Variants in BNIP3L observed in about 807,000 individuals in gnomAD.
The protein encoded by BNIP3L is BCL2/adenovirus E1B 19 kDa protein-interacting protein 3-like.
In BNIP3L, 10 loss-of-function variants were observed where a neutral mutation model predicts 25.5. The observed-to-expected ratio is 0.39, with a 90% CI of 0.24 to 0.67. BNIP3L has a LOEUF of 0.67. Among genes scored for constraint, BNIP3L ranks in the 30% least tolerant of loss-of-function variants. BNIP3L has a pLI of 0.45. For missense variants in BNIP3L, 215 were observed against 270.9 expected, an observed-to-expected ratio of 0.79 and a Z score of 1.45; for synonymous variants, 113 against 101.2, an observed-to-expected ratio of 1.12 and a Z score of -0.70.
chr8:26,407,066 C>T (rs1281767095), intron 3 of BNIP3L, among the ~76,000 whole-genome samples: 1 of 151,450 alleles, frequency 6.6e-6, no homozygotes, highest in African/African-American at 2.4e-5. Context: ...GATCTCGGCT[C>T]CACCTCCCAG....
intron 1 of BNIP3L, 189 bp downstream of exon 1, chr8:26,383,419 G>T: frequency 7.0e-7 from 1 of 1,425,896 alleles, no homozygotes; most frequent in East Asian, 2.6e-5. Flanking sequence ...GGGCCTCTCT[G>T]TTGCCTCCTG....
rs769715393 is a variant in BNIP3L, at chr8:26,391,418, C to T, written c.276C>T (p.His92=). Residue 92 remains histidine, a synonymous_variant, in exon 2 of 6, where the codon CAC becomes CAT. Transcript: ENST00000380629. ...SGQSSSRGSS[H]CDSPSPQEDG... The stretch of plus-strand genomic sequence containing the variant: ...AGAGTAGTTCCAGAGGCAGTTCTCA[C>T]TGTGACAGGTAAGTGAGACCCATGT... The T allele has an allele frequency of 6.4e-7, 1 of 1,552,848 alleles. No individual in the cohort carries two copies. The highest frequency in any genetic ancestry group is 1.2e-5 in the South Asian group (1 of 82,234).
chr8:26,393,515 G>A (rs1014603665), intron 2 of BNIP3L, among the ~76,000 whole-genome samples: 27 of 151,432 alleles, frequency 1.8e-4, no homozygotes, highest in African/African-American at 6.3e-4. Flanking sequence ...CTCCCCAGCC[G>A]ATTCTAATAT....
chr8:26,389,474 C>T (rs1034065128), intron 1 of BNIP3L, among the ~76,000 whole-genome samples: 1 of 151,992 alleles, frequency 6.6e-6, no homozygotes, highest in African/African-American at 2.4e-5. Context: ...AGCCTGTGTC[C>T]ATTTTATGTG....
At chr8:26,387,711 A>T (rs1806021967) in intron 1 of BNIP3L, among the ~76,000 whole-genome samples, 1 of 152,230 alleles carries the variant, frequency 6.6e-6, no homozygotes. Flanking sequence ...ACCACTATGT[A>T]TTTCCATAGA....
chr8:26,401,428 A>AG (rs1806369774), intron 3 of BNIP3L, among the ~76,000 whole-genome samples: 1 of 150,932 alleles, frequency 6.6e-6, no homozygotes, highest in African/African-American at 2.4e-5. Context: ...GGGAGCGGGG[A>AG]GGGGGGAAGG....
chr8:26,408,063 G>T lies in BNIP3L; in HGVS notation c.421G>T (p.Val141Leu). The change falls in exon 4 of 6, where the codon GTA becomes TTA. Residue 141 changes from valine to leucine, a missense_variant. Physicochemically the swap from Val to Leu is conservative, Grantham distance 32 (BLOSUM62 1). This residue lies in a region of BNIP3L where 63 missense variants were observed against 98.8 expected (regional missense o/e 0.64). Transcript: ENST00000380629. ...GGCTTTGAAGAAAAGTGCGGACTGG[G>T]TATCAGACTGGTCCAGTAGACCCGA... The part of the protein sequence containing the change: ...VEALKKSADW[V>L]SDWSSRPENI... 6.2e-7 allele frequency: 1 copy of T among 1,614,202 alleles called. No homozygotes were observed. Among genetic ancestry groups the T allele is most frequent in the South Asian group, 1.1e-5 (1 of 91,084 alleles).
At chr8:26,395,120 C>T (rs1400753937) in intron 2 of BNIP3L, 110 bp from the exon 3 acceptor site, 1 of 1,100,046 alleles carries the variant, frequency 9.1e-7, no homozygotes, top group African/African-American at 1.6e-5. Context: ...CTCTGATTTG[C>T]TTTTTCAAAG....
At chr8:26,385,559 C>T (rs1309874699) in intron 1 of BNIP3L, among the ~76,000 whole-genome samples, 3 of 149,832 alleles carry the variant, frequency 2.0e-5, no homozygotes, top group Admixed American at 6.6e-5. Flanking sequence ...GCCGAGATCA[C>T]GCCACTGCAC....
chr8:26,412,583 T>A lies in BNIP3L; in HGVS notation c.*2171T>A, dbSNP rs1806653578. On this transcript the variant is annotated 3_prime_UTR_variant, in exon 6 of 6. Coordinates refer to ENST00000380629, the MANE Select transcript of BNIP3L (RefSeq NM_004331.3). ...GAAAATTACTTAAAACGTGAATACA[T>A]CATCACAGTAGAATTTATTATGAGA... The A allele has an allele frequency of 6.6e-6, 1 of 152,496 alleles. No individual in the cohort carries two copies. The highest frequency in any genetic ancestry group is 2.4e-5 in the African/African-American group (1 of 41,458). 9.4% of individuals were successfully genotyped at this position (152,496 alleles called of 1,614,324 possible).
chr8:26,391,281 A>G lies in BNIP3L; in HGVS notation c.139A>G (p.Asn47Asp). 1.2e-6 allele frequency: 2 copies of G among 1,612,024 alleles called. No homozygotes were observed. Among genetic ancestry groups the G allele is most frequent in the Non-Finnish European group, 1.7e-6 (2 of 1,179,152 alleles). The change falls in exon 2 of 6, where the codon AAT becomes GAT. Residue 47 changes from asparagine to aspartate, a missense_variant. Physicochemically the swap from Asn to Asp is conservative, Grantham distance 23. This residue lies in a region of BNIP3L where 36 missense variants were observed against 75.2 expected (regional missense o/e 0.48). Coordinates refer to ENST00000380629, the MANE Select transcript of BNIP3L (RefSeq NM_004331.3). ...GCTACCCATGAACAGCAGCAATGGC[A>G]ATGATAATGGCAATGGGAAAAATGG... ...VELPMNSSNG[N>D]DNGNGKNGGL... is the part of the protein sequence containing the mutation.
intron 3 of BNIP3L, among the ~76,000 whole-genome samples, chr8:26,403,330 G>A (rs952761295): frequency 1.3e-5 from 2 of 151,872 alleles, no homozygotes; most frequent in African/African-American, 4.8e-5. Context: ...TTAGGATTTG[G>A]GAAAATTGAT....
intron 1 of BNIP3L, among the ~76,000 whole-genome samples, chr8:26,384,838 C>T (rs1805954427): frequency 6.7e-6 from 1 of 150,370 alleles, no homozygotes; most frequent in Non-Finnish European, 1.5e-5. Flanking sequence ...GCTGGGACTA[C>T]AGGTGCCTGC....
intron 1 of BNIP3L, chr8:26,390,587 C>G: frequency 1.7e-5 from 16 of 965,386 alleles, no homozygotes; most frequent in Non-Finnish European, 2.0e-5. Context: ...AGAAACTAAT[C>G]AGTGAGATAG....
At chr8:26,390,382 T>C in intron 1 of BNIP3L, 1 of 985,422 alleles carries the variant, frequency 1.0e-6, no homozygotes. Context: ...CCCTTCAACT[T>C]TTTGTCCAAG....
chr8:26,395,597 T>A (rs1806215983), intron 3 of BNIP3L: 1 of 290,416 alleles, frequency 3.4e-6, no homozygotes, highest in South Asian at 4.8e-5. Context: ...GATAGATGCT[T>A]TAAGACCACA....
chr8:26,403,375 G>A (rs1806433805), intron 3 of BNIP3L, among the ~76,000 whole-genome samples: 1 of 152,056 alleles, frequency 6.6e-6, no homozygotes, highest in African/African-American at 2.4e-5. Context: ...TTAGGGTTAG[G>A]AAACTTAAAA....
intron 2 of BNIP3L, among the ~76,000 whole-genome samples, chr8:26,394,972 T>C (rs1176899834): frequency 6.6e-6 from 1 of 152,212 alleles, no homozygotes; most frequent in Non-Finnish European, 1.5e-5. Context: ...GTAGATAGTA[T>C]TTCCTTTGCA....
At chr8:26,390,258 C>G in intron 1 of BNIP3L, 1 of 811,236 alleles carries the variant, frequency 1.2e-6, no homozygotes, top group East Asian at 1.3e-4. Flanking sequence ...CTGGCCTCAA[C>G]TCTTGTTAAA....
Sources: allele counts gnomAD v4.1 joint callset (sites outside exome capture counted in the v4.1 genomes callset), GRCh38; gene constraint gnomAD v4.1.1; regional missense constraint gnomAD v4.1.1; transcripts MANE v1.5; gene names NCBI Gene and HGNC (gene_info 2026-07-23, HGNC 2026-07-21).